Variants in ZSCAN5A observed in about 807,000 individuals in gnomAD.
The protein encoded by ZSCAN5A is zinc finger and SCAN domain containing 5A.
Under a neutral mutation model 23.7 loss-of-function variants are expected in ZSCAN5A, and 12 were observed. The ratio of observed to expected loss-of-function variants is 0.51; its 90% CI spans 0.32 to 0.82. The LOEUF (loss-of-function observed/expected upper bound fraction) is 0.82, where lower values mean the gene tolerates loss of function less well. ZSCAN5A is among the 40% of genes least tolerant of loss of function. The pLI is 0.03. For synonymous variants in ZSCAN5A, 257 were observed against 239.9 expected, an observed-to-expected ratio of 1.07 and a Z score of -0.66; for missense variants, 597 against 617.9, an observed-to-expected ratio of 0.97 and a Z score of 0.36.
chr19:56,221,329 T>C lies in ZSCAN5A; in HGVS notation c.*246A>G. The stretch of plus-strand genomic sequence containing the variant: ...ACAATATTGAAAACTAATAAGATGA[T>C]CGTTTATTGGAAGAACAGCAACACA... On this transcript the variant is annotated 3_prime_UTR_variant, in exon 6 of 6. Transcript: ENST00000683990. 2.3e-6 allele frequency: 1 copy of C among 432,010 alleles called. No individual in the cohort carries two copies. The highest frequency in any genetic ancestry group is 5.9e-5 in the South Asian group (1 of 16,988). 26.8% of individuals were successfully genotyped at this position (432,010 alleles called of 1,614,324 possible).
chr19:56,228,291 A>C, intron 2 of ZSCAN5A: 1 of 985,314 alleles, frequency 1.0e-6, no homozygotes, highest in Non-Finnish European at 1.2e-6. Context: ...TCGGTCTGGG[A>C]TGCGCTCTCC....
chr19:56,226,200 G>A (rs2033915633), intron 2 of ZSCAN5A, among the ~76,000 whole-genome samples: 1 of 152,154 alleles, frequency 6.6e-6, no homozygotes, highest in Non-Finnish European at 1.5e-5. Flanking sequence ...CTGGTAGCCT[G>A]GAGGGCGAGT....
intron 2 of ZSCAN5A, among the ~76,000 whole-genome samples, chr19:56,346,713 T>A (rs888872117): frequency 2.0e-5 from 3 of 151,992 alleles, no homozygotes; most frequent in Non-Finnish European, 2.9e-5. Flanking sequence ...TTTTTTTATT[T>A]TTTATTTTTT....
At chr19:56,311,976 A>T (rs1600264303) in intron 2 of ZSCAN5A, 1 of 152,206 alleles carries the variant, frequency 6.6e-6, no homozygotes, top group Non-Finnish European at 1.5e-5. Flanking sequence ...ATCCAATAAA[A>T]ATCTGTGAGC....
intron 2 of ZSCAN5A, among the ~76,000 whole-genome samples, chr19:56,277,854 A>ACAATTCATCCATGTCACCAAAAAC (rs2038381009): frequency 1.3e-5 from 2 of 152,212 alleles, no homozygotes; most frequent in East Asian, 1.9e-4. Context: ...TCACCACTGC[A>ACAATTCATCCATGTCACCAAAAAC]CAATTCATCC....
chr19:56,361,226 G>C (rs2041731838), intron 2 of ZSCAN5A, among the ~76,000 whole-genome samples: 1 of 152,228 alleles, frequency 6.6e-6, no homozygotes, highest in African/African-American at 2.4e-5. Context: ...CGAGGTTGCA[G>C]AGAAATAGGA....
intron 2 of ZSCAN5A, among the ~76,000 whole-genome samples, chr19:56,330,865 A>C (rs7508292): frequency 0.19 from 29,549 of 152,072 alleles, 3,784 homozygotes; most frequent in African/African-American, 0.37. Context: ...AGAACTTAGT[A>C]ATAAATTTTT....
chr19:56,342,806 C>A (rs2041604580), intron 2 of ZSCAN5A: 1 of 772,766 alleles, frequency 1.3e-6, no homozygotes, highest in African/African-American at 1.7e-5. Context: ...TGGGACCAAT[C>A]ATAAGACATT....
intron 5 of ZSCAN5A, 94 bp from the exon 6 acceptor site, chr19:56,222,420 C>G: frequency 3.8e-6 from 6 of 1,568,608 alleles, no homozygotes; most frequent in African/African-American, 1.4e-5. Flanking sequence ...CTGACAACTT[C>G]CGCTCAAGCT....
rs1413712335 is a variant in ZSCAN5A, at chr19:56,344,929, A to G, written c.-358+18306T>C. 1.3e-4 allele frequency among the ~76,000 whole-genome samples: 19 copies of G among 147,594 alleles called. No homozygotes were observed. The East Asian group carries it at 2.0e-3, about 15-fold the overall frequency. ...CGTCTCAAAAAAAAAAAAAAAAAAA[A>G]AAAAAAGAAAAAAAAGATACAAAAA... is the stretch of plus-strand genomic sequence containing the variant. On this transcript the variant is annotated intron_variant, in intron 2 of 6. Transcript: ENST00000587340.
At chr19:56,229,089 T>C (rs1252295404) in intron 2 of ZSCAN5A, among the ~76,000 whole-genome samples, 1 of 152,154 alleles carries the variant, frequency 6.6e-6, no homozygotes, top group Non-Finnish European at 1.5e-5. Context: ...ACTGTGTGGA[T>C]CATGGAGTTA....
intron 2 of ZSCAN5A, among the ~76,000 whole-genome samples, chr19:56,344,856 T>C (rs562094732): frequency 1.3e-3 from 130 of 103,814 alleles, no homozygotes; most frequent in Non-Finnish European, 2.1e-3. Flanking sequence ...TGAGCCGAGA[T>C]TGCGCCACTG....
intron 2 of ZSCAN5A, among the ~76,000 whole-genome samples, chr19:56,307,309 C>G (rs1014631912): frequency 6.6e-5 from 10 of 152,178 alleles, no homozygotes; most frequent in South Asian, 2.1e-4. Flanking sequence ...ATACCCCCAC[C>G]CCCTGCTGCA....
intron 2 of ZSCAN5A, among the ~76,000 whole-genome samples, chr19:56,271,474 T>C (rs1316159551): frequency 6.6e-6 from 1 of 152,184 alleles, no homozygotes; most frequent in Non-Finnish European, 1.5e-5. Flanking sequence ...TTATAACAAA[T>C]CCTGTAGTAT....
At chr19:56,316,260 T>C (rs1839471686), upstream of ZSCAN5A, 1 of 152,196 alleles carries the variant, frequency 6.6e-6, no homozygotes, top group South Asian at 2.1e-4. Flanking sequence ...TGGCCCAGCA[T>C]TGCACCATCT....
At chr19:56,307,289 AT>A in intron 2 of ZSCAN5A, among the ~76,000 whole-genome samples, 1 of 152,142 alleles carries the variant, frequency 6.6e-6, no homozygotes, top group Non-Finnish European at 1.5e-5. Flanking sequence ...TGTCAACTCG[AT>A]CATACGATAT....
chr19:56,298,700 C>T (rs1423351337), intron 2 of ZSCAN5A, among the ~76,000 whole-genome samples: 1 of 151,362 alleles, frequency 6.6e-6, no homozygotes, highest in Non-Finnish European at 1.5e-5. Flanking sequence ...AAAGAAATGC[C>T]ACCTGTAATT....
At chr19:56,277,846 A>G (rs2038380278) in intron 2 of ZSCAN5A, among the ~76,000 whole-genome samples, 3 of 152,196 alleles carry the variant, frequency 2.0e-5, no homozygotes, top group Admixed American at 1.3e-4. Context: ...CCTAGACTTC[A>G]CCACTGCACA....
At chr19:56,255,472 G>C (rs1189051292) in intron 2 of ZSCAN5A, among the ~76,000 whole-genome samples, 1 of 152,092 alleles carries the variant, frequency 6.6e-6, no homozygotes, top group Non-Finnish European at 1.5e-5. Flanking sequence ...CTGCCTCAGT[G>C]CTCACAGGCC....
Sources: allele counts gnomAD v4.1 joint callset (sites outside exome capture counted in the v4.1 genomes callset), GRCh38; gene constraint gnomAD v4.1.1; transcripts MANE v1.5; gene names NCBI Gene and HGNC (gene_info 2026-07-23, HGNC 2026-07-21).